The following MTMR7 variants were observed in gnomAD, a reference collection of about 807,000 sequenced individuals.
MTMR7 encodes the protein myotubularin related protein 7, also known as phosphatidylinositol-3-phosphate phosphatase MTMR7.
A neutral mutation model predicts 81.2 loss-of-function variants in MTMR7; 76 were observed. The ratio of observed to expected loss-of-function variants is 0.94; its 90% CI spans 0.78 to 1.13. The LOEUF (loss-of-function observed/expected upper bound fraction) is 1.13, where lower values mean the gene tolerates loss of function less well. Ranked by LOEUF, MTMR7 falls within the 50% of genes most tolerant of loss-of-function variation. The pLI, the probability that MTMR7 is intolerant of heterozygous loss-of-function variation, is 0.00. For missense variants in MTMR7, 1,044 were observed against 820.0 expected (o/e 1.27, Z -3.34); for synonymous variants, 372 against 289.8 (o/e 1.28, Z -2.88).
chr8:17,331,152 T>C lies in MTMR7; in HGVS notation c.863A>G (p.Glu288Gly), dbSNP rs1475361108. The change falls in exon 7 of 14, where the codon GAA becomes GGA. Residue 288 changes from glutamate (E) to glycine (G), a missense_variant and splice_region_variant. Coordinates refer to ENST00000180173, the MANE Select transcript of MTMR7 (RefSeq NM_004686.5). ...VMRNSLQKMLEVCELKSPSMS... is the reference protein window; with the variant it reads ...VMRNSLQKMLGVCELKSPSMS... ...CTGTGCATAAGGAAATGGTTTACCT[T>C]CCAGCATTTTCTGCAGACTGTTCCT... 6.2e-7 allele frequency: 1 copy of C among 1,610,700 alleles called. No homozygotes were observed. Among genetic ancestry groups the C allele is most frequent in the Non-Finnish European group, 8.5e-7 (1 of 1,179,130 alleles).
chr8:17,311,209 G>T (rs879442111), intron 9 of MTMR7, among the ~76,000 whole-genome samples: 1 of 152,092 alleles, frequency 6.6e-6, no homozygotes, highest in Admixed American at 6.5e-5. Context: ...ATACTTATGA[G>T]CAAATGATAT....
chr8:17,353,823 G>A (rs780021121), intron 4 of MTMR7, among the ~76,000 whole-genome samples: 39 of 152,142 alleles, frequency 2.6e-4, no homozygotes, highest in Non-Finnish European at 5.1e-4. Context: ...TTCCTGGAGT[G>A]CCCACATCCC....
chr8:17,343,436 A>T (rs1187003472), intron 5 of MTMR7, among the ~76,000 whole-genome samples: 2 of 152,158 alleles, frequency 1.3e-5, no homozygotes, highest in African/African-American at 4.8e-5. Context: ...TCGAAAAAAA[A>T]AAGAAATATT....
At chr8:17,315,975 T>C (rs1586167629) in intron 7 of MTMR7, among the ~76,000 whole-genome samples, 1 of 152,230 alleles carries the variant, frequency 6.6e-6, no homozygotes, top group African/African-American at 2.4e-5. Flanking sequence ...ATCTTGCCAC[T>C]GCACTCCATC....
At chr8:17,333,053 T>A (rs550212630) in intron 6 of MTMR7, among the ~76,000 whole-genome samples, 1 of 152,110 alleles carries the variant, frequency 6.6e-6, no homozygotes, top group South Asian at 2.1e-4. Flanking sequence ...CAGCAGAGGA[T>A]AAGCCATTGC....
intron 1 of MTMR7, among the ~76,000 whole-genome samples, chr8:17,375,486 T>TTTGTTTTG (rs1563366409): frequency 1.3e-5 from 2 of 152,006 alleles, no homozygotes; most frequent in Admixed American, 1.3e-4. Context: ...TTATGTTTTT[T>TTTGTTTTG]TTTTTTTTTT....
At chr8:17,394,122 T>A (rs1479822112) in intron 1 of MTMR7, among the ~76,000 whole-genome samples, 2 of 152,194 alleles carry the variant, frequency 1.3e-5, no homozygotes, top group Non-Finnish European at 2.9e-5. Context: ...TGCAGCCTCT[T>A]TGGAAAACTG....
intron 1 of MTMR7, among the ~76,000 whole-genome samples, chr8:17,387,725 T>C (rs901126033): frequency 6.6e-6 from 1 of 152,148 alleles, no homozygotes; most frequent in African/African-American, 2.4e-5. Flanking sequence ...TTCCTATACG[T>C]AAAATTATAC....
intron 5 of MTMR7, among the ~76,000 whole-genome samples, chr8:17,342,490 G>A (rs975710783): frequency 6.6e-6 from 1 of 152,132 alleles, no homozygotes; most frequent in African/African-American, 2.4e-5. Context: ...TTCCATCCAT[G>A]AAGGGGCACC....
At chr8:17,391,580 C>T (rs1212092771) in intron 1 of MTMR7, among the ~76,000 whole-genome samples, 1 of 151,982 alleles carries the variant, frequency 6.6e-6, no homozygotes, top group Admixed American at 6.6e-5. Context: ...TAAATGTATC[C>T]GTTTAGCTTA....
Position 17,371,639 on chromosome 8 carries a change from G to C in MTMR7, c.148-440C>G, listed in dbSNP as rs17631502. ...ATTCCACATGGAATGTTCGAGTTCT[G>C]TATCAACATGGGATTGTTGTTTTCT... On this transcript the variant is annotated intron_variant, in intron 2 of 13. Coordinates refer to ENST00000180173, the MANE Select transcript of MTMR7 (RefSeq NM_004686.5). 0.026 allele frequency among the ~76,000 whole-genome samples: 4,025 copies of C among 152,268 alleles called. 455 individuals are homozygous for C. In the East Asian group the frequency reaches 0.31, roughly 12 times the overall value.
chr8:17,390,507 G>T (rs374057306), intron 1 of MTMR7, among the ~76,000 whole-genome samples: 6 of 152,140 alleles, frequency 3.9e-5, no homozygotes, highest in Non-Finnish European at 8.8e-5. Flanking sequence ...GTATCACCAC[G>T]TATGTGTGCC....
In MTMR7 at chr8:17,408,129, G is replaced by A. The variant is rs1013841128; in HGVS notation, c.24+5140C>T. ...GGAGAGGCCGGGCGCGGTGGCTCAC[G>A]CCTGTAATCCCAGCACTTTGGGAGG... is the stretch of plus-strand genomic sequence containing the variant. On this transcript the variant is annotated intron_variant, in intron 1 of 13. Transcript: ENST00000180173. Among the ~76,000 whole-genome samples the A allele has an allele frequency of 3.4e-5, 2 of 59,496 alleles. 1 individual carries two copies. The highest frequency in any genetic ancestry group is 1.1e-4 in the Non-Finnish European group (2 of 17,720). The allele number at this position is 59,496 out of a possible 152,430, so 39.0% of individuals were successfully genotyped here. A position where few individuals can be genotyped will look rare whatever the true frequency, so the allele number is the denominator to read the frequency against.
chr8:17,314,705 A>G (rs1257876029), intron 7 of MTMR7, among the ~76,000 whole-genome samples: 2 of 152,126 alleles, frequency 1.3e-5, no homozygotes, highest in African/African-American at 2.4e-5. Context: ...AAAACACCCA[A>G]CCTAAGAAAA....
At chr8:17,376,707 C>T (rs573366859) in intron 1 of MTMR7, among the ~76,000 whole-genome samples, 1 of 152,186 alleles carries the variant, frequency 6.6e-6, no homozygotes, top group African/African-American at 2.4e-5. Flanking sequence ...TTTATGTGCA[C>T]CCATTTTTAA....
chr8:17,341,963 C>G (rs1563347097), intron 5 of MTMR7, among the ~76,000 whole-genome samples: 1 of 151,044 alleles, frequency 6.6e-6, no homozygotes, highest in African/African-American at 2.4e-5. Flanking sequence ...TCACAAATAC[C>G]AAAAACCAAT....
chr8:17,357,301 G>C (rs1169870271), intron 4 of MTMR7, among the ~76,000 whole-genome samples: 1 of 152,154 alleles, frequency 6.6e-6, no homozygotes, highest in Non-Finnish European at 1.5e-5. Flanking sequence ...CATTTATCAA[G>C]TTTTTAGAAC....
intron 5 of MTMR7, 53 bp from the exon 6 acceptor site, chr8:17,341,550 G>T: frequency 6.3e-7 from 1 of 1,599,054 alleles, no homozygotes; most frequent in East Asian, 2.2e-5. Context: ...GTACCCATGA[G>T]AGACACTCTA....
At chr8:17,386,374 T>C (rs1174147822) in intron 1 of MTMR7, among the ~76,000 whole-genome samples, 1 of 152,246 alleles carries the variant, frequency 6.6e-6, no homozygotes, top group East Asian at 1.9e-4. Context: ...TGAGACCTTG[T>C]CTCAAAAACA....
Sources: gnomAD v4.1 joint callset for allele counts (sites outside exome capture counted in the v4.1 genomes callset) on GRCh38, gnomAD v4.1.1 for gene constraint, MANE v1.5 for transcripts, NCBI Gene and HGNC (gene_info 2026-07-23, HGNC 2026-07-21) for gene names.